Variants in GMCL1 observed in about 807,000 individuals in gnomAD.
The protein encoded by GMCL1 is germ cell-less protein-like 1.
A neutral mutation model predicts 75.5 loss-of-function variants in GMCL1; 54 were observed. The observed-to-expected ratio is 0.71, with a 90% CI of 0.57 to 0.90. The LOEUF is 0.90. Ranked by LOEUF, GMCL1 falls within the 40% of genes least tolerant of loss-of-function variation. The probability of loss-of-function intolerance (pLI) is 0.00; values close to 1 mark genes in which losing one functional copy is unlikely to be tolerated. For missense variants in GMCL1, 537 were observed against 622.7 expected, an observed-to-expected ratio of 0.86 and a Z score of 1.47; for synonymous variants, 210 against 209.6, an observed-to-expected ratio of 1.00 and a Z score of -0.02.
intron 8 of GMCL1, among the ~76,000 whole-genome samples, chr2:69,853,155 G>C (rs895059950): frequency 1.3e-5 from 2 of 152,142 alleles, no homozygotes; most frequent in African/African-American, 4.8e-5. Context: ...TTTATATCTT[G>C]TTCATGTGAC....
chr2:69,857,673 C>T (rs540163870), intron 9 of GMCL1, among the ~76,000 whole-genome samples: 1 of 152,106 alleles, frequency 6.6e-6, no homozygotes, highest in Non-Finnish European at 1.5e-5. Flanking sequence ...ATATTTTATA[C>T]CTAGATACTC....
In GMCL1 at chr2:69,869,566, G is replaced by A. The variant is rs979877116; in HGVS notation, c.1219-153G>A. ...CTAGCTTAGATAAATAGTTTTGGGT[G>A]GTAAGCCTTAAGAAAAAGTCACTGA... On this transcript the variant is annotated intron_variant, in intron 11 of 13. Coordinates refer to ENST00000282570, the MANE Select transcript of GMCL1 (RefSeq NM_178439.5). The A allele has an allele frequency of 4.9e-5, 31 of 628,340 alleles. No homozygotes were observed. In the African/African-American group the frequency reaches 5.0e-4, roughly 10 times the overall value. The allele number at this position is 628,340 out of a possible 1,614,324, so 38.9% of individuals were successfully genotyped here.
At chr2:69,845,504 G>A (rs1196892856) in intron 6 of GMCL1, among the ~76,000 whole-genome samples, 3 of 152,142 alleles carry the variant, frequency 2.0e-5, no homozygotes, top group African/African-American at 7.2e-5. Flanking sequence ...TCAAACTCCT[G>A]AGCTCAAGCA....
At chr2:69,837,215 CTAACTTCT>C (rs1427835427) in intron 1 of GMCL1, among the ~76,000 whole-genome samples, 2 of 152,162 alleles carry the variant, frequency 1.3e-5, no homozygotes, top group East Asian at 3.8e-4. Flanking sequence ...AATCAACATG[CTAACTTCT>C]TAATCTATTG....
intron 11 of GMCL1, among the ~76,000 whole-genome samples, chr2:69,866,043 G>A (rs993197566): frequency 6.6e-6 from 1 of 152,178 alleles, no homozygotes; most frequent in Admixed American, 6.5e-5. Flanking sequence ...GAGGTCAGGA[G>A]ATCAAGACCA....
chr2:69,868,452 C>G (rs1675882348), intron 11 of GMCL1, among the ~76,000 whole-genome samples: 1 of 152,188 alleles, frequency 6.6e-6, no homozygotes, highest in Non-Finnish European at 1.5e-5. Context: ...CTGATACTCT[C>G]ACATTAACTA....
At chr2:69,852,129 T>C (rs1675335664) in intron 8 of GMCL1, among the ~76,000 whole-genome samples, 1 of 152,146 alleles carries the variant, frequency 6.6e-6, no homozygotes, top group Non-Finnish European at 1.5e-5. Flanking sequence ...GTGAAGAAGT[T>C]AAAAAGACAA....
intron 13 of GMCL1, among the ~76,000 whole-genome samples, chr2:69,876,816 C>G (rs1428697810): frequency 6.6e-6 from 1 of 152,076 alleles, no homozygotes; most frequent in Non-Finnish European, 1.5e-5. Context: ...TAGCAAAACC[C>G]TATCTATACA....
chr2:69,840,849 C>T, intron 3 of GMCL1, 93 bp from the exon 4 acceptor site: 1 of 756,418 alleles, frequency 1.3e-6, no homozygotes, highest in Non-Finnish European at 2.1e-6. Flanking sequence ...AGACGGATGT[C>T]TTTGTGTGTG....
intron 1 of GMCL1, among the ~76,000 whole-genome samples, chr2:69,832,215 G>C (rs1674694588): frequency 6.9e-6 from 1 of 145,134 alleles, no homozygotes; most frequent in Non-Finnish European, 1.5e-5. Flanking sequence ...GTGAGACTCT[G>C]TCTCAAAAAA....
At chr2:69,841,136 G>T in intron 4 of GMCL1, 97 bp downstream of exon 4, 1 of 734,488 alleles carries the variant, frequency 1.4e-6, no homozygotes, top group Non-Finnish European at 2.2e-6. Flanking sequence ...CTTTTTTGGA[G>T]TTTTTAAATA....
At chr2:69,869,290 G>A (rs1202699723) in intron 11 of GMCL1, among the ~76,000 whole-genome samples, 3 of 134,012 alleles carry the variant, frequency 2.2e-5, no homozygotes, top group Non-Finnish European at 3.2e-5. Context: ...TGGTGGCAGG[G>A]ACCTGTAGTC....
At position 69,871,729 on chromosome 2, in the gene GMCL1, T is replaced by A. The variant is rs1348300506; in HGVS notation, c.1365-16T>A. On this transcript the variant is annotated splice_polypyrimidine_tract_variant and intron_variant, in intron 12 of 13. Transcript: ENST00000282570. The stretch of plus-strand genomic sequence containing the variant: ...AAAAATCTTGTGTTTATTTTTTATT[T>A]TTTTTTTAATCCTAGATTACGTTTG... 3.7e-6 allele frequency: 5 copies of A among 1,366,110 alleles called. No homozygotes were observed. In the Admixed American group the frequency reaches 6.2e-5, roughly 17 times the overall value. 84.6% of individuals were successfully genotyped at this position (1,366,110 alleles called of 1,614,324 possible). A position where few individuals can be genotyped will look rare whatever the true frequency, so the allele number is the denominator to read the frequency against.
At chr2:69,836,436 A>G (rs574777814) in intron 1 of GMCL1, among the ~76,000 whole-genome samples, 2 of 152,316 alleles carry the variant, frequency 1.3e-5, no homozygotes, top group African/African-American at 4.8e-5. Context: ...ATTTCGCATC[A>G]TAACGAGTGA....
intron 1 of GMCL1, among the ~76,000 whole-genome samples, chr2:69,833,808 T>C (rs1674742289): frequency 6.6e-6 from 1 of 152,240 alleles, no homozygotes. Flanking sequence ...ACTTTTACAT[T>C]TACGAGACTG....
At chr2:69,858,126 G>T (rs191285623) in intron 9 of GMCL1, among the ~76,000 whole-genome samples, 1 of 152,106 alleles carries the variant, frequency 6.6e-6, no homozygotes, top group Admixed American at 6.5e-5. Context: ...GATCAGATCC[G>T]TGACGCTGTC....
At chr2:69,855,507 C>G (rs928872114) in intron 9 of GMCL1, among the ~76,000 whole-genome samples, 1 of 151,860 alleles carries the variant, frequency 6.6e-6, no homozygotes, top group Non-Finnish European at 1.5e-5. Context: ...AATAGAATTT[C>G]TGTTTGAACA....
At chr2:69,863,040 A>ACT (rs1318159183) in intron 10 of GMCL1, among the ~76,000 whole-genome samples, 2 of 152,154 alleles carry the variant, frequency 1.3e-5, no homozygotes, top group African/African-American at 4.8e-5. Context: ...AAGATACTGC[A>ACT]CTAGAATAAG....
chr2:69,869,527 T>G, intron 11 of GMCL1, 192 bp from the exon 12 acceptor site: 1 of 521,460 alleles, frequency 1.9e-6, no homozygotes, highest in South Asian at 3.0e-5. Flanking sequence ...TTATGATCAT[T>G]AAGGGCAGCT....
Sources: gnomAD v4.1 joint callset for allele counts (sites outside exome capture counted in the v4.1 genomes callset) on GRCh38, gnomAD v4.1.1 for gene constraint, MANE v1.5 for transcripts, NCBI Gene and HGNC (gene_info 2026-07-23, HGNC 2026-07-21) for gene names.